Variants in C16orf95 observed in about 807,000 individuals in gnomAD.
C16orf95 encodes chromosome 16 open reading frame 95.
C16orf95 carries 41 observed loss-of-function variants against 32.1 expected under a neutral mutation model. The observed-to-expected ratio is 1.28, with a 90% CI of 1.00 to 1.66. The LOEUF is 1.66. C16orf95 is among the 40% of genes most tolerant of loss of function. The pLI is 0.00. For missense variants in C16orf95, 399 were observed against 325.9 expected (o/e 1.22, Z -1.73); for synonymous variants, 147 against 128.9 (o/e 1.14, Z -0.95).
intron 3 of C16orf95, among the ~76,000 whole-genome samples, chr16:87,313,109 C>T (rs911807327): frequency 1.3e-5 from 2 of 150,726 alleles, no homozygotes; most frequent in African/African-American, 4.9e-5. Context: ...AACTGATCTA[C>T]AAAGCCCACA....
At position 87,310,032 on chromosome 16, in the gene C16orf95, G is replaced by A. The variant is rs28619279; in HGVS notation, c.514+265C>T. ...CTTGAGGTCTCATCCAAGCCCAGGC[G>A]GGGAGTTGGTTTCATCCAGAGAACC... is the stretch of plus-strand genomic sequence containing the variant. On this transcript the variant is annotated intron_variant, in intron 5 of 6. Coordinates refer to ENST00000567970, the MANE Select transcript of C16orf95 (RefSeq NM_001195124.3). 8.3e-3 allele frequency among the ~76,000 whole-genome samples: 1,258 copies of A among 151,854 alleles called. 27 individuals are homozygous for A. The highest frequency in any genetic ancestry group is 0.029 in the African/African-American group (1,211 of 41,376).
intron 3 of C16orf95, among the ~76,000 whole-genome samples, chr16:87,312,741 G>C (rs566504907): frequency 1.3e-5 from 2 of 152,250 alleles, no homozygotes; most frequent in South Asian, 4.1e-4. Context: ...AAGGGAGAAA[G>C]AAAGCCATCT....
rs11646030 is a variant in C16orf95 at position 87,305,672 on chromosome 16, T to C, written c.701+47A>G. ...CCACCAAGCCTCCCTCAGGTGGACG[T>C]CACCATGCCAGGGCCACCCACTGTC... On this transcript the variant is annotated intron_variant, in intron 6 of 6. Transcript: ENST00000567970. The surrounding 1 kb of genome is among the most constrained non-coding windows in gnomAD (Gnocchi z 4.2). 544,435 of 1,437,790 alleles carry C rather than the reference T, an allele frequency of 0.38. 109,897 individuals are homozygous for C. Among genetic ancestry groups the C allele is most frequent in the Non-Finnish European group, 0.42 (463,242 of 1,095,996 alleles). 89.1% of individuals were successfully genotyped at this position (1,437,790 alleles called of 1,614,324 possible). A position where few individuals can be genotyped will look rare whatever the true frequency, so the allele number is the denominator to read the frequency against.
At chr16:87,306,248 T>C (rs1294782669) in intron 5 of C16orf95, 1 of 186,412 alleles carries the variant, frequency 5.4e-6, no homozygotes. Context: ...CACTGGATAA[T>C]GACTGGAGCC....
In C16orf95 at chr16:87,303,086, AAG is replaced by A. The variant is rs1415471639; in HGVS notation, c.702-13_702-12del. On this transcript the variant is annotated splice_polypyrimidine_tract_variant and intron_variant, in intron 6 of 6. Coordinates refer to ENST00000567970, the MANE Select transcript of C16orf95 (RefSeq NM_001195124.3). The stretch of plus-strand genomic sequence containing the variant: ...ACCCCAAAACACTGGCTGGAAAGCA[AAG>A]AGAGACAGTTACTAGGACCCGGCCC... 37 of 1,535,978 alleles carry A rather than the reference AAG, an allele frequency of 2.4e-5. No homozygotes were observed. Among genetic ancestry groups the A allele is most frequent in the Non-Finnish European group, 3.5e-6 (4 of 1,146,902 alleles).
At chr16:87,303,961 C>T (rs1245002341) in intron 6 of C16orf95, among the ~76,000 whole-genome samples, 2 of 152,196 alleles carry the variant, frequency 1.3e-5, no homozygotes, top group Non-Finnish European at 2.9e-5. Flanking sequence ...GAGGCCAGGG[C>T]TTAGCAATTC....
chr16:87,309,386 T>C (rs1911177328), intron 5 of C16orf95, among the ~76,000 whole-genome samples: 2 of 130,784 alleles, frequency 1.5e-5, no homozygotes, highest in African/African-American at 3.0e-5. Flanking sequence ...TTTTTTTTTT[T>C]TTTTTTTTTT....
Position 87,307,522 on chromosome 16 carries a change from G to A in C16orf95, c.515-1617C>T, listed in dbSNP as rs548197517. Among the ~76,000 whole-genome samples the A allele has an allele frequency of 2.1e-4, 32 of 152,370 alleles. No homozygotes were observed. In the South Asian group the frequency reaches 3.3e-3, roughly 16 times the overall value. Reference sequence around the variant, plus strand: ...GCCTGTCATCCCAGCACTTTGGGAAGCTAAGGCAGGTGGATCACCTGAGGT... The same window carrying A: ...GCCTGTCATCCCAGCACTTTGGGAAACTAAGGCAGGTGGATCACCTGAGGT... On this transcript the variant is annotated intron_variant, in intron 5 of 6. Coordinates refer to ENST00000567970, the MANE Select transcript of C16orf95 (RefSeq NM_001195124.3).
In C16orf95 at chr16:87,307,752, C is replaced by A. The variant is rs533587341; in HGVS notation, c.515-1847G>T. ...CAGCCTGGGTGACAGAGTGAGACTC[C>A]ATCCTAAAACAAACTAAAAATAAAA... On this transcript the variant is annotated intron_variant, in intron 5 of 6. Transcript: ENST00000567970. Among the ~76,000 whole-genome samples, 4 of 152,138 alleles carry A rather than the reference C, an allele frequency of 2.6e-5. No homozygotes were observed. The East Asian group carries it at 7.7e-4, about 29-fold the overall frequency.
Position 87,305,975 on chromosome 16 carries a change from C to A in C16orf95, c.515-70G>T. The A allele has an allele frequency of 8.2e-7, 1 of 1,218,432 alleles. No homozygotes were observed. The highest frequency in any genetic ancestry group is 1.1e-6 in the Non-Finnish European group (1 of 935,140). 75.5% of individuals were successfully genotyped at this position (1,218,432 alleles called of 1,614,324 possible). A position where few individuals can be genotyped will look rare whatever the true frequency, so the allele number is the denominator to read the frequency against. Reference sequence around the variant, plus strand: ...GACTCTGTGAGCCACGAGGAGGCTGCAACACCAGCCCCAGAGCCTCCGGGA... The same window carrying A: ...GACTCTGTGAGCCACGAGGAGGCTGAAACACCAGCCCCAGAGCCTCCGGGA... On this transcript the variant is annotated intron_variant, in intron 5 of 6. Coordinates refer to ENST00000567970, the MANE Select transcript of C16orf95 (RefSeq NM_001195124.3). This position sits in a 1 kb window ranked among gnomAD's most constrained non-coding sequence, Gnocchi z 4.2.
In C16orf95 at chr16:87,315,051, A is replaced by T. The variant is rs747946100; in HGVS notation, c.250T>A (p.Phe84Ile). The part of the protein sequence containing the change: ...WAICCECQTR[F>I]GGRLPVSRVE... Reference sequence around the variant, plus strand: ...CTGGACACAGGCAGGCGGCCCCCGAATCTGGTCTGGCATTCACAGCAGATG... The same window carrying T: ...CTGGACACAGGCAGGCGGCCCCCGATTCTGGTCTGGCATTCACAGCAGATG... Residue 84 changes from phenylalanine to isoleucine, a missense_variant, in exon 3 of 7, where the codon TTC (phenylalanine) becomes ATC (isoleucine). Phe to Ile is a conservative substitution (Grantham distance 21). Transcript: ENST00000567970. The T allele has an allele frequency of 6.5e-7, 1 of 1,535,976 alleles. No individual in the cohort carries two copies. Among genetic ancestry groups the T allele is most frequent in the African/African-American group, 1.4e-5 (1 of 73,028 alleles).
chr16:87,305,095 G>C lies in C16orf95; in HGVS notation c.701+624C>G, dbSNP rs542733965. 3.3e-5 allele frequency among the ~76,000 whole-genome samples: 5 copies of C among 152,178 alleles called. No homozygotes were observed. The highest frequency in any genetic ancestry group is 7.3e-5 in the Non-Finnish European group (5 of 68,042). On this transcript the variant is annotated intron_variant, in intron 6 of 6. Transcript: ENST00000567970. This position sits in a 1 kb window ranked among gnomAD's most constrained non-coding sequence, Gnocchi z 4.2. Reference sequence around the variant, plus strand: ...AGCCACCGCCTAGGCCGAGAGTAAAGGAGTAAGAGGAAGTAGCTGTTCCCC... The same window carrying C: ...AGCCACCGCCTAGGCCGAGAGTAAACGAGTAAGAGGAAGTAGCTGTTCCCC...
chr16:87,308,495 TAA>T (rs1325164443), intron 5 of C16orf95, among the ~76,000 whole-genome samples: 3 of 151,102 alleles, frequency 2.0e-5, no homozygotes, highest in Admixed American at 6.6e-5. Flanking sequence ...AATAAATAAA[TAA>T]ATAAATAAAT....
intron 5 of C16orf95, among the ~76,000 whole-genome samples, chr16:87,309,123 C>G (rs1165893666): frequency 6.6e-6 from 1 of 152,130 alleles, no homozygotes; most frequent in East Asian, 1.9e-4. Context: ...AGTGAGTTTA[C>G]CATTGTTCCA....
intron 5 of C16orf95, among the ~76,000 whole-genome samples, chr16:87,308,736 G>A (rs1264887688): frequency 1.3e-5 from 2 of 152,320 alleles, no homozygotes; most frequent in South Asian, 2.1e-4. Context: ...ATTCTTCAAA[G>A]AAATGTTTTA....
intron 5 of C16orf95, among the ~76,000 whole-genome samples, chr16:87,307,546 G>A (rs1911083108): frequency 2.0e-5 from 3 of 152,158 alleles, no homozygotes; most frequent in Non-Finnish European, 4.4e-5. Flanking sequence ...ATCACCTGAG[G>A]TCAGGAGTTC....
At chr16:87,304,355 C>T (rs113930556) in intron 6 of C16orf95, among the ~76,000 whole-genome samples, 1 of 151,104 alleles carries the variant, frequency 6.6e-6, no homozygotes, top group Non-Finnish European at 1.5e-5. Context: ...TGCCCGGCCT[C>T]GCCCATCCTC....
chr16:87,312,619 G>C (rs1216892879), intron 3 of C16orf95, among the ~76,000 whole-genome samples: 2 of 150,128 alleles, frequency 1.3e-5, no homozygotes, highest in South Asian at 2.1e-4. Flanking sequence ...AAAACTGAAT[G>C]CCATCCCTCA....
chr16:87,307,147 C>G (rs997289194), intron 5 of C16orf95, among the ~76,000 whole-genome samples: 1 of 152,184 alleles, frequency 6.6e-6, no homozygotes, highest in East Asian at 1.9e-4. Flanking sequence ...TCCATCAAGG[C>G]AAACTCACTA....
Sources: gnomAD v4.1 joint callset for allele counts (sites outside exome capture counted in the v4.1 genomes callset) on GRCh38, gnomAD v4.1.1 for gene constraint, Gnocchi (gnomAD v3.1) non-coding constraint, MANE v1.5 for transcripts, NCBI Gene and HGNC (gene_info 2026-07-23, HGNC 2026-07-21) for gene names.